The following AKAP13 variants were observed in gnomAD, a reference collection of about 807,000 sequenced individuals.
AKAP13 encodes the protein A-kinase anchoring protein 13, also known as A-kinase anchor protein 13.
AKAP13 carries 80 observed loss-of-function variants against 264.5 expected under a neutral mutation model. That is an observed-to-expected ratio of 0.30 (90% CI 0.25 to 0.36). The LOEUF is 0.36. Ranked by LOEUF, AKAP13 falls within the 10% of genes least tolerant of loss-of-function variation. The pLI is 1.00. For missense variants in AKAP13, 3,712 were observed against 3,435.2 expected (o/e 1.08, Z -2.01); for synonymous variants, 1,380 against 1,250.2 (o/e 1.10, Z -2.19).
chr15:85,439,891 A>G (rs2073549797), intron 1 of AKAP13, among the ~76,000 whole-genome samples: 1 of 150,900 alleles, frequency 6.6e-6, no homozygotes, highest in African/African-American at 2.4e-5. Flanking sequence ...TAGTGGGTGC[A>G]GCGCACGAGC....
At chr15:85,566,187 G>A in intron 5 of AKAP13, among the ~76,000 whole-genome samples, 1 of 152,078 alleles carries the variant, frequency 6.6e-6, no homozygotes, top group East Asian at 1.9e-4. Flanking sequence ...TCTCAAATCA[G>A]GTACATTTTG....
chr15:85,682,744 T>G (rs1358104974), intron 15 of AKAP13, among the ~76,000 whole-genome samples: 4 of 152,164 alleles, frequency 2.6e-5, no homozygotes, highest in African/African-American at 7.2e-5. Context: ...CTTGGCTCAC[T>G]GCAACCTCTG....
chr15:85,537,810 A>T (rs2077450883), intron 4 of AKAP13, among the ~76,000 whole-genome samples: 1 of 152,238 alleles, frequency 6.6e-6, no homozygotes, highest in Non-Finnish European at 1.5e-5. Flanking sequence ...TTTATAAGCT[A>T]TTCATTTTGA....
chr15:85,562,574 A>AAAAAAAAAAT (rs1351834745), intron 5 of AKAP13, among the ~76,000 whole-genome samples: 6 of 77,666 alleles, frequency 7.7e-5, no homozygotes, highest in African/African-American at 2.4e-4. Context: ...CAAAAAAAAA[A>AAAAAAAAAAT]ATATATATAT....
intron 8 of AKAP13, among the ~76,000 whole-genome samples, chr15:85,636,545 G>C (rs1331373383): frequency 6.6e-6 from 1 of 151,846 alleles, no homozygotes; most frequent in Non-Finnish European, 1.5e-5. Flanking sequence ...CCTTTGTCAG[G>C]TTGAGTAATT....
intron 5 of AKAP13, among the ~76,000 whole-genome samples, chr15:85,546,126 C>G (rs2077728129): frequency 6.6e-6 from 1 of 152,010 alleles, no homozygotes; most frequent in Non-Finnish European, 1.5e-5. Context: ...TCAAGGTTCA[C>G]CCATGTTGTA....
At chr15:85,498,760 A>G (rs2075960979) in intron 2 of AKAP13, among the ~76,000 whole-genome samples, 1 of 152,170 alleles carries the variant, frequency 6.6e-6, no homozygotes, top group Non-Finnish European at 1.5e-5. Flanking sequence ...GGACTTCTCT[A>G]GGGCGCTGGC....
chr15:85,458,929 C>G (rs1751892672), intron 1 of AKAP13, among the ~76,000 whole-genome samples: 1 of 152,074 alleles, frequency 6.6e-6, no homozygotes, highest in Admixed American at 6.5e-5. Context: ...ATTTGTTTTC[C>G]TTAGTGTGTT....
chr15:85,735,060 A>G lies in AKAP13; in HGVS notation c.7351A>G (p.Ile2451Val), dbSNP rs757190833. Residue 2451 changes from isoleucine to valine, a missense_variant, in exon 31 of 37, where the codon ATT becomes GTT. Transcript: ENST00000394518. ...GTLGPTVSSPIEQDVVGPVSL... is the reference protein window; with the variant it reads ...GTLGPTVSSPVEQDVVGPVSL... ...ACTTGGGCCGACTGTCAGCAGCCCCATTGAGCAAGATGTGGTCGGTCCCGT... is the reference window on the plus strand; with the variant it reads ...ACTTGGGCCGACTGTCAGCAGCCCCGTTGAGCAAGATGTGGTCGGTCCCGT... The G allele has an allele frequency of 2.5e-6, 4 of 1,614,218 alleles. No individual in the cohort carries two copies. Among genetic ancestry groups the G allele is most frequent in the South Asian group, 2.2e-5 (2 of 91,084 alleles).
intron 3 of AKAP13, among the ~76,000 whole-genome samples, chr15:85,526,852 C>G (rs1158665642): frequency 6.6e-6 from 1 of 151,972 alleles, no homozygotes; most frequent in African/African-American, 2.4e-5. Flanking sequence ...ACTTAAATTA[C>G]TGTCCTAATG....
chr15:85,639,425 C>G lies in AKAP13; in HGVS notation c.4213C>G (p.Leu1405Val), dbSNP rs777670831. The G allele has an allele frequency of 2.5e-6, 4 of 1,613,136 alleles. No individual in the cohort carries two copies. The highest frequency in any genetic ancestry group is 3.4e-6 in the Non-Finnish European group (4 of 1,179,622). ...TIEPCPDAAS[L>V]LASKQSPECE... ...AGAGCCATGCCCTGATGCAGCATCT[C>G]TTCTGGCTTCCAAGCAGAGCCCAGG... The change falls in exon 9 of 37, where the codon CTT becomes GTT. Residue 1405 changes from leucine (L) to valine (V), a missense_variant. Physicochemically the swap from Leu to Val is conservative, Grantham distance 32. Around this residue, in one of 3 missense-constraint regions of AKAP13, gnomAD observed 2,759 missense variants for 2,411.7 expected, o/e 1.14. Coordinates refer to ENST00000394518, the MANE Select transcript of AKAP13 (RefSeq NM_007200.5).
intron 5 of AKAP13, among the ~76,000 whole-genome samples, chr15:85,562,437 C>G (rs988408707): frequency 7.3e-5 from 11 of 150,642 alleles, no homozygotes; most frequent in East Asian, 4.0e-4. Context: ...TGGTGGCAAG[C>G]GCCTGTAATC....
At chr15:85,677,650 T>G (rs1273749942) in intron 14 of AKAP13, among the ~76,000 whole-genome samples, 2 of 149,956 alleles carry the variant, frequency 1.3e-5, no homozygotes, top group African/African-American at 2.4e-5. Context: ...GTGTTGTGTT[T>G]TTTTTTTTTT....
At chr15:85,385,249 A>G (rs1225695460) in intron 1 of AKAP13, among the ~76,000 whole-genome samples, 3 of 152,222 alleles carry the variant, frequency 2.0e-5, no homozygotes, top group Non-Finnish European at 4.4e-5. Context: ...ATTATTCAAT[A>G]CCTATTCAAC....
Position 85,422,309 on chromosome 15 carries a change from G to A in AKAP13, c.-12+41511G>A, listed in dbSNP as rs188192025. 1.2e-3 allele frequency among the ~76,000 whole-genome samples: 178 copies of A among 152,250 alleles called. 1 individual carries two copies. The highest frequency in any genetic ancestry group is 4.2e-3 in the African/African-American group (173 of 41,550). On this transcript the variant is annotated intron_variant, in intron 1 of 36. Transcript: ENST00000394518. ...TGACCCAGTTTAGAGTGAGTTGAGA[G>A]AATTAGGGGATTGTTTCATGAAGGA... is the stretch of plus-strand genomic sequence containing the variant.
At chr15:85,564,589 C>T (rs2078536429) in intron 5 of AKAP13, among the ~76,000 whole-genome samples, 3 of 152,132 alleles carry the variant, frequency 2.0e-5, no homozygotes, top group Non-Finnish European at 4.4e-5. Flanking sequence ...TCCTCCTGAT[C>T]TGGATCACAC....
intron 12 of AKAP13, chr15:85,662,364 TTC>T (rs1284322258): frequency 1.2e-6 from 2 of 1,613,624 alleles, no homozygotes; most frequent in African/African-American, 1.3e-5. Context: ...GCATTTCTGT[TTC>T]TGTCTTTGAT....
chr15:85,510,138 T>C (rs1269036851), intron 2 of AKAP13, among the ~76,000 whole-genome samples: 2 of 152,210 alleles, frequency 1.3e-5, no homozygotes, highest in African/African-American at 4.8e-5. Flanking sequence ...ACCTTATGTG[T>C]CTTTTTCCCT....
intron 19 of AKAP13, among the ~76,000 whole-genome samples, chr15:85,715,249 T>C (rs914350233): frequency 6.6e-6 from 1 of 152,194 alleles, no homozygotes; most frequent in African/African-American, 2.4e-5. Context: ...GTGTCAGTAC[T>C]TGGAAAGTGT....
Sources: allele counts gnomAD v4.1 joint callset (sites outside exome capture counted in the v4.1 genomes callset), GRCh38; gene constraint gnomAD v4.1.1; regional missense constraint gnomAD v4.1.1; transcripts MANE v1.5; gene names NCBI Gene and HGNC (gene_info 2026-07-23, HGNC 2026-07-21).